Variants in ATL1 observed in about 807,000 individuals in gnomAD.
The protein encoded by ATL1 is atlastin-1.
In ATL1, 31 loss-of-function variants were observed where a neutral mutation model predicts 75.5. The observed-to-expected ratio is 0.41, with a 90% confidence interval of 0.31 to 0.55. The LOEUF is 0.55. Ranked by LOEUF, ATL1 falls within the 20% of genes least tolerant of loss-of-function variation. ATL1 has a pLI of 0.27. For synonymous variants in ATL1, 226 were observed against 233.3 expected (o/e 0.97, Z 0.28); for missense variants, 405 against 662.6 (o/e 0.61, Z 4.27).
chr14:50,595,962 T>C (rs2039212369), intron 6 of ATL1, among the ~76,000 whole-genome samples: 1 of 152,040 alleles, frequency 6.6e-6, no homozygotes. Flanking sequence ...CCAGCCTCAT[T>C]TATGTACAAA....
chr14:50,591,666 G>C (rs763396468), intron 4 of ATL1, 27 bp downstream of exon 4: 14 of 1,520,906 alleles, frequency 9.2e-6, no homozygotes, highest in Non-Finnish European at 1.3e-5. Context: ...TTTTGATGAT[G>C]TTTCTTTAAC....
At chr14:50,558,620 G>A (rs576652119), upstream of ATL1, among the ~76,000 whole-genome samples, 10 of 151,962 alleles carry the variant, frequency 6.6e-5, no homozygotes, top group Non-Finnish European at 5.9e-5. Context: ...TTTTCAATTG[G>A]GCATAGGTGT....
intron 1 of ATL1, among the ~76,000 whole-genome samples, chr14:50,582,556 C>T (rs1260444642): frequency 2.7e-5 from 4 of 148,998 alleles, no homozygotes; most frequent in South Asian, 2.1e-4. Context: ...ACTACAGGCA[C>T]GCACCACCAT....
At chr14:50,610,721 C>T (rs2039358006) in intron 6 of ATL1, among the ~76,000 whole-genome samples, 1 of 152,100 alleles carries the variant, frequency 6.6e-6, no homozygotes, top group Non-Finnish European at 1.5e-5. Context: ...CTGTATTAAG[C>T]ACTGATTCTG....
intron 1 of ATL1, among the ~76,000 whole-genome samples, chr14:50,574,870 T>C (rs1392688364): frequency 6.8e-6 from 1 of 147,912 alleles, no homozygotes; most frequent in East Asian, 2.0e-4. Context: ...TTAAAAGGTA[T>C]GTGTATTTTT....
At chr14:50,623,914 G>A (rs573968335) in intron 11 of ATL1, among the ~76,000 whole-genome samples, 3 of 152,222 alleles carry the variant, frequency 2.0e-5, no homozygotes, top group Non-Finnish European at 4.4e-5. Flanking sequence ...AATTAGCCAG[G>A]CCTGATGGCA....
At chr14:50,558,627 G>A (rs571789138), upstream of ATL1, among the ~76,000 whole-genome samples, 7 of 152,234 alleles carry the variant, frequency 4.6e-5, no homozygotes, top group Non-Finnish European at 1.0e-4. Context: ...TTGGGCATAG[G>A]TGTTGAATTA....
intron 2 of ATL1, among the ~76,000 whole-genome samples, chr14:50,590,640 G>A (rs1566723844): frequency 6.6e-6 from 1 of 152,122 alleles, no homozygotes; most frequent in South Asian, 2.1e-4. Flanking sequence ...ATTTTGGCAT[G>A]CATTTATTGC....
chr14:50,585,085 G>C (rs748171568), intron 1 of ATL1, among the ~76,000 whole-genome samples: 8 of 152,142 alleles, frequency 5.3e-5, no homozygotes, highest in Non-Finnish European at 1.0e-4. Flanking sequence ...ACCACAGTGA[G>C]ATAACATTTT....
At position 50,588,140 on chromosome 14, in the gene ATL1, A is replaced by G. The variant is rs936552512; in HGVS notation, c.282+62A>G. On this transcript the variant is annotated intron_variant, in intron 2 of 13. Coordinates refer to ENST00000358385, the MANE Select transcript of ATL1 (RefSeq NM_015915.5). Reference sequence around the variant, plus strand: ...TGTGCTTCTGTCACTTCATGTTTTTATTTCATGGTGTTCAAAATTTTCATT... The same window carrying G: ...TGTGCTTCTGTCACTTCATGTTTTTGTTTCATGGTGTTCAAAATTTTCATT... 2.7e-5 allele frequency: 43 copies of G among 1,601,438 alleles called. No homozygotes were observed. In the Admixed American group the frequency reaches 6.4e-4, roughly 24 times the overall value.
intron 1 of ATL1, among the ~76,000 whole-genome samples, chr14:50,536,564 G>A (rs1459362003): frequency 1.3e-5 from 2 of 152,152 alleles, no homozygotes; most frequent in Admixed American, 6.5e-5. Context: ...GAGCTCAGAA[G>A]AAGACAGGAA....
chr14:50,576,223 A>T (rs560321224), intron 1 of ATL1, among the ~76,000 whole-genome samples: 7 of 152,276 alleles, frequency 4.6e-5, no homozygotes, highest in African/African-American at 1.7e-4. Flanking sequence ...TGTTTTGAGG[A>T]TGTTTAAGGT....
chr14:50,608,115 A>T (rs1181978163), intron 6 of ATL1, among the ~76,000 whole-genome samples: 5 of 152,124 alleles, frequency 3.3e-5, no homozygotes, highest in Non-Finnish European at 5.9e-5. Context: ...AATTTAATTT[A>T]AAAAAGTGTT....
chr14:50,621,799 T>G (rs753092464), intron 9 of ATL1, 44 bp from the exon 10 acceptor site: 5 of 1,207,964 alleles, frequency 4.1e-6, no homozygotes, highest in Non-Finnish European at 6.1e-6. Context: ...AGAGGAAATA[T>G]TGAATGGAAT....
At chr14:50,576,555 A>G (rs1473028538) in intron 1 of ATL1, among the ~76,000 whole-genome samples, 2 of 152,196 alleles carry the variant, frequency 1.3e-5, no homozygotes, top group Non-Finnish European at 2.9e-5. Flanking sequence ...GAAACTTGTT[A>G]TGCATTCCAA....
Position 50,539,643 on chromosome 14 carries a change from A to G in ATL1, c.-140+6276A>G, listed in dbSNP as rs576502934. On this transcript the variant is annotated intron_variant, in intron 1 of 13. Transcript: ENST00000441560. Reference sequence around the variant, plus strand: ...AGATATGAATGAGGCTTAGAACTTTAAACATGAGTTAGAAGAAAGAGTTTC... The same window carrying G: ...AGATATGAATGAGGCTTAGAACTTTGAACATGAGTTAGAAGAAAGAGTTTC... Among the ~76,000 whole-genome samples the G allele has an allele frequency of 3.3e-5, 5 of 152,348 alleles. No homozygotes were observed. In the East Asian group the frequency reaches 9.6e-4, roughly 29 times the overall value.
rs574492816 is a variant in ATL1, at chr14:50,624,925, C to A, written c.1119+1677C>A. Among the ~76,000 whole-genome samples, 4 of 151,058 alleles carry A rather than the reference C, an allele frequency of 2.6e-5. 1 individual carries two copies. The highest frequency in any genetic ancestry group is 5.9e-5 in the Non-Finnish European group (4 of 67,348). ...TCTCTACTAAAAATACAAAAATCAG[C>A]CAGGCATGGTGGCACATGCCCATAG... On this transcript the variant is annotated intron_variant, in intron 11 of 13. Transcript: ENST00000358385.
At chr14:50,546,850 T>C (rs2038638938) in intron 1 of ATL1, among the ~76,000 whole-genome samples, 2 of 151,822 alleles carry the variant, frequency 1.3e-5, no homozygotes, top group South Asian at 4.2e-4. Flanking sequence ...TTTTTTTAAT[T>C]ATTATACTTT....
chr14:50,630,318 T>G (rs987166224), intron 13 of ATL1, among the ~76,000 whole-genome samples: 7 of 152,232 alleles, frequency 4.6e-5, no homozygotes, highest in African/African-American at 1.4e-4. Flanking sequence ...TCTGCTGTAC[T>G]GCAGAGTAAA....
Sources: gnomAD v4.1 joint callset for allele counts (sites outside exome capture counted in the v4.1 genomes callset) on GRCh38, gnomAD v4.1.1 for gene constraint, MANE v1.5 for transcripts, NCBI Gene and HGNC (gene_info 2026-07-23, HGNC 2026-07-21) for gene names.